The following ADAM23 variants were observed in gnomAD, a reference collection of about 807,000 sequenced individuals.
ADAM23 encodes the protein disintegrin and metalloproteinase domain-containing protein 23.
ADAM23 carries 33 observed loss-of-function variants against 120.1 expected under a neutral mutation model. That is an observed-to-expected ratio of 0.27 (90% confidence interval 0.21 to 0.37). The LOEUF is 0.37. Among genes scored for constraint, ADAM23 ranks in the 10% least tolerant of loss-of-function variants. The probability of loss-of-function intolerance (pLI) is 1.00; values close to 1 mark genes in which losing one functional copy is unlikely to be tolerated. For synonymous variants in ADAM23, 367 were observed against 375.2 expected (o/e 0.98, Z 0.25); for missense variants, 862 against 1,058.2 (o/e 0.81, Z 2.57).
intron 2 of ADAM23, among the ~76,000 whole-genome samples, chr2:206,451,442 G>A (rs1228461518): frequency 7.2e-5 from 11 of 152,174 alleles, no homozygotes; most frequent in Admixed American, 6.5e-4. Context: ...GTTTCACCAT[G>A]TTGGCCAGGT....
chr2:206,548,901 G>A (rs13429599), intron 8 of ADAM23, among the ~76,000 whole-genome samples: 37,537 of 152,048 alleles, frequency 0.25, 4,777 homozygotes, highest in Middle Eastern at 0.31. Flanking sequence ...TAAAAATCAT[G>A]TAATTGTATA....
intron 3 of ADAM23, among the ~76,000 whole-genome samples, chr2:206,514,178 T>C (rs1307758789): frequency 6.6e-6 from 1 of 152,208 alleles, no homozygotes; most frequent in Non-Finnish European, 1.5e-5. Context: ...GTATTACATT[T>C]TGTAAAGTGA....
At chr2:206,504,895 A>T (rs1019781594) in intron 3 of ADAM23, among the ~76,000 whole-genome samples, 5 of 152,206 alleles carry the variant, frequency 3.3e-5, no homozygotes, top group African/African-American at 1.2e-4. Context: ...GAATTATTAA[A>T]TGTACCGTCT....
chr2:206,520,427 T>G (rs774070155), intron 3 of ADAM23, among the ~76,000 whole-genome samples: 1 of 152,230 alleles, frequency 6.6e-6, no homozygotes, highest in Non-Finnish European at 1.5e-5. Flanking sequence ...CATAATAAAT[T>G]TTAGGACAAA....
chr2:206,466,448 C>T (rs1281603161), intron 2 of ADAM23, among the ~76,000 whole-genome samples: 1 of 152,170 alleles, frequency 6.6e-6, no homozygotes, highest in African/African-American at 2.4e-5. Flanking sequence ...CAATTGACTT[C>T]TATAATTTTT....
Position 206,562,221 on chromosome 2 carries a change from G to A in ADAM23, c.1273G>A (p.Val425Met). 1 of 1,614,002 alleles carries A rather than the reference G, an allele frequency of 6.2e-7. No individual in the cohort carries two copies. Among genetic ancestry groups the A allele is most frequent in the Non-Finnish European group, 8.5e-7 (1 of 1,179,906 alleles). Reference protein sequence around the residue: ...GVNEYGLPMAVAQVLSQSLAQ... With the variant: ...GVNEYGLPMAMAQVLSQSLAQ... ...AAAACAGTATGGTCTTCCAATGGCAGTGGCACAAGTATTATCGCAGAGCCT... is the reference window on the plus strand; with the variant it reads ...AAAACAGTATGGTCTTCCAATGGCAATGGCACAAGTATTATCGCAGAGCCT... The change falls in exon 13 of 26, where the codon GTG (valine) becomes ATG (methionine). Residue 425 changes from valine (V) to methionine (M), a missense_variant. Coordinates refer to ENST00000264377, the MANE Select transcript of ADAM23 (RefSeq NM_003812.4).
At chr2:206,481,395 T>G (rs1026003732) in intron 3 of ADAM23, 87 bp downstream of exon 3, 21 of 949,124 alleles carry the variant, frequency 2.2e-5, no homozygotes, top group African/African-American at 3.4e-5. Flanking sequence ...TAATGTCTGT[T>G]GTTTAACAAC....
chr2:206,478,422 A>G lies in ADAM23; in HGVS notation c.433-2810A>G, dbSNP rs185154093. 1.2e-3 allele frequency among the ~76,000 whole-genome samples: 175 copies of G among 151,616 alleles called. 1 individual carries two copies. Among genetic ancestry groups the G allele is most frequent in the Non-Finnish European group, 2.4e-4 (16 of 67,836 alleles). On this transcript the variant is annotated intron_variant, in intron 2 of 25. Transcript: ENST00000264377. Reference sequence around the variant, plus strand: ...AATAAAATCAGGTTTTTTTTTTCCTATGGATAAACAGATATCTTGTTGCTG... The same window carrying G: ...AATAAAATCAGGTTTTTTTTTTCCTGTGGATAAACAGATATCTTGTTGCTG...
chr2:206,467,726 G>A (rs571929095), intron 2 of ADAM23, among the ~76,000 whole-genome samples: 1 of 152,302 alleles, frequency 6.6e-6, no homozygotes, highest in East Asian at 1.9e-4. Context: ...CTGTGTGGGG[G>A]CTCAACCTGA....
At position 206,619,605 on chromosome 2, in the gene ADAM23, T is replaced by C. The variant is rs1440544595; in HGVS notation, c.*1978T>C. On this transcript the variant is annotated 3_prime_UTR_variant, in exon 26 of 26. Coordinates refer to ENST00000264377, the MANE Select transcript of ADAM23 (RefSeq NM_003812.4). ...TTGCTAGGTTTAGCTCCTGGTCCCT[T>C]TTCAGCAAGATTCATGTTATCCGTC... 6.6e-6 allele frequency: 1 copy of C among 152,134 alleles called. No homozygotes were observed. Among genetic ancestry groups the C allele is most frequent in the African/African-American group, 2.4e-5 (1 of 41,426 alleles). The allele number at this position is 152,134 out of a possible 1,614,324, so 9.4% of individuals were successfully genotyped here.
chr2:206,529,511 A>G lies in ADAM23; in HGVS notation c.510-1374A>G, dbSNP rs889766813. ...TCTTCTGGGCTCAAGCAATCCTTCC[A>G]CCTCAGGCTCCCTAGTAGTTGGGAC... is the stretch of plus-strand genomic sequence containing the variant. On this transcript the variant is annotated intron_variant, in intron 3 of 25. Transcript: ENST00000264377. Among the ~76,000 whole-genome samples the G allele has an allele frequency of 2.0e-5, 3 of 151,584 alleles. No individual in the cohort carries two copies. The East Asian group carries it at 5.8e-4, about 30-fold the overall frequency.
intron 2 of ADAM23, among the ~76,000 whole-genome samples, chr2:206,451,708 C>T (rs1025818080): frequency 6.6e-6 from 1 of 152,192 alleles, no homozygotes. Flanking sequence ...CAGGTCTTCC[C>T]TTTGCAGAGC....
At chr2:206,584,145 C>A (rs1193971621) in intron 18 of ADAM23, among the ~76,000 whole-genome samples, 8 of 152,148 alleles carry the variant, frequency 5.3e-5, no homozygotes, top group Non-Finnish European at 8.8e-5. Flanking sequence ...GTCTAGCCAT[C>A]CAGTGAGTCT....
At chr2:206,487,611 T>C (rs1360004325) in intron 3 of ADAM23, among the ~76,000 whole-genome samples, 1 of 152,206 alleles carries the variant, frequency 6.6e-6, no homozygotes, top group African/African-American at 2.4e-5. Context: ...TTCCAGGCCA[T>C]CTGACTGGTC....
intron 4 of ADAM23, among the ~76,000 whole-genome samples, chr2:206,537,876 C>T (rs1190172176): frequency 6.6e-6 from 1 of 152,066 alleles, no homozygotes; most frequent in Non-Finnish European, 1.5e-5. Flanking sequence ...CAGAACTATC[C>T]ACACTAAATC....
intron 4 of ADAM23, among the ~76,000 whole-genome samples, chr2:206,534,766 T>C (rs977023663): frequency 3.9e-5 from 6 of 152,220 alleles, no homozygotes; most frequent in African/African-American, 1.4e-4. Context: ...GATGAATAAA[T>C]AGATGAAGTG....
chr2:206,548,936 A>G (rs1413153294), intron 8 of ADAM23, among the ~76,000 whole-genome samples: 1 of 152,182 alleles, frequency 6.6e-6, no homozygotes, highest in Non-Finnish European at 1.5e-5. Context: ...TATACTTCAC[A>G]TGTATTGATA....
chr2:206,448,906 C>G (rs1695136547), intron 2 of ADAM23, among the ~76,000 whole-genome samples: 1 of 152,174 alleles, frequency 6.6e-6, no homozygotes, highest in Admixed American at 6.5e-5. Context: ...GTGAACCGCT[C>G]TAGCAAATTA....
At position 206,530,885 on chromosome 2, in the gene ADAM23, T is replaced by C; in HGVS notation, c.510T>C (p.Asn170=). Residue 170 remains asparagine, a splice_region_variant and synonymous_variant, in exon 4 of 26, where the codon AAT becomes AAC. Coordinates refer to ENST00000264377, the MANE Select transcript of ADAM23 (RefSeq NM_003812.4). ...TCACTCTATTTTCTTTCCTTTGTAGTGGTTTGTTGTCTTCTGATTATGTGG... is the reference window on the plus strand; with the variant it reads ...TCACTCTATTTTCTTTCCTTTGTAGCGGTTTGTTGTCTTCTGATTATGTGG... ...SKFILDLILN[N]GLLSSDYVEI... 1.2e-6 allele frequency: 2 copies of C among 1,613,320 alleles called. No individual in the cohort carries two copies. The highest frequency in any genetic ancestry group is 1.7e-6 in the Non-Finnish European group (2 of 1,179,498).
Sources: allele counts gnomAD v4.1 joint callset (sites outside exome capture counted in the v4.1 genomes callset), GRCh38; gene constraint gnomAD v4.1.1; transcripts MANE v1.5; gene names NCBI Gene and HGNC (gene_info 2026-07-23, HGNC 2026-07-21).